The following UBE2L3 variants were observed in gnomAD, a reference collection of about 807,000 sequenced individuals.
UBE2L3 encodes the protein ubiquitin conjugating enzyme E2 L3, also known as ubiquitin-conjugating enzyme E2 L3.
Under a neutral mutation model 17.8 loss-of-function variants are expected in UBE2L3, and 1 was observed. The observed-to-expected ratio is 0.06, with a 90% CI of 0.02 to 0.27. The LOEUF is 0.27. Among genes scored for constraint, UBE2L3 ranks in the 10% least tolerant of loss-of-function variants. The probability of loss-of-function intolerance (pLI) is 1.00; values close to 1 mark genes in which losing one functional copy is unlikely to be tolerated. For missense variants in UBE2L3, 40 were observed against 192.6 expected, an observed-to-expected ratio of 0.21 and a Z score of 4.69; for synonymous variants, 44 against 68.5, an observed-to-expected ratio of 0.64 and a Z score of 1.76.
upstream of UBE2L3, chr22:21,567,673 A>T: frequency 6.4e-7 from 1 of 1,551,678 alleles, no homozygotes; most frequent in African/African-American, 1.4e-5. Context: ...CCCCCGCTCC[A>T]GGAAGTGCGG....
intron 1 of UBE2L3, among the ~76,000 whole-genome samples, chr22:21,585,942 T>C (rs1169806830): frequency 6.6e-6 from 1 of 152,078 alleles, no homozygotes; most frequent in Non-Finnish European, 1.5e-5. Context: ...CTTTTCTAGT[T>C]TTTCTTTTTT....
At chr22:21,607,776 G>A (rs961003814) in intron 2 of UBE2L3, among the ~76,000 whole-genome samples, 1 of 152,188 alleles carries the variant, frequency 6.6e-6, no homozygotes, top group Non-Finnish European at 1.5e-5. Context: ...CTAGGGGCAA[G>A]GGGCTAGGGC....
intron 2 of UBE2L3, among the ~76,000 whole-genome samples, chr22:21,603,527 C>CT (rs1928975966): frequency 1.4e-5 from 1 of 70,294 alleles, no homozygotes; most frequent in East Asian, 6.8e-4. Context: ...GAGACTCTGT[C>CT]TTAAAAAAAA....
chr22:21,578,634 A>G (rs1188228246), intron 1 of UBE2L3, among the ~76,000 whole-genome samples: 1 of 152,152 alleles, frequency 6.6e-6, no homozygotes, highest in Non-Finnish European at 1.5e-5. Context: ...AACACCTTCC[A>G]GGAATGAGGC....
chr22:21,576,672 G>A (rs1252015104), intron 1 of UBE2L3, among the ~76,000 whole-genome samples: 1 of 151,970 alleles, frequency 6.6e-6, no homozygotes, highest in Non-Finnish European at 1.5e-5. Context: ...CTGACCTTGT[G>A]ATCCGCCCAC....
At chr22:21,615,454 C>A (rs5754368) in intron 3 of UBE2L3, among the ~76,000 whole-genome samples, 1 of 150,982 alleles carries the variant, frequency 6.6e-6, no homozygotes, top group African/African-American at 2.4e-5. Flanking sequence ...ACTCGGGAGG[C>A]TGAGGCAGGA....
chr22:21,556,651 AG>A (rs1926240005), intron 1 of UBE2L3, among the ~76,000 whole-genome samples: 3 of 128,390 alleles, frequency 2.3e-5, no homozygotes, highest in African/African-American at 9.5e-5. Flanking sequence ...TTGTAGAGAT[AG>A]GGTCTTACCA....
At chr22:21,609,042 C>T (rs1360127246) in intron 2 of UBE2L3, among the ~76,000 whole-genome samples, 6 of 151,996 alleles carry the variant, frequency 3.9e-5, no homozygotes, top group African/African-American at 1.4e-4. Flanking sequence ...CTACAGGCGC[C>T]CACCACCACG....
intron 3 of UBE2L3, among the ~76,000 whole-genome samples, chr22:21,612,643 C>CCTTTTTTTTTT (rs1929552177): frequency 1.9e-5 from 1 of 52,476 alleles, no homozygotes; most frequent in Non-Finnish European, 3.7e-5. Flanking sequence ...CTTTTCTTTT[C>CCTTTTTTTTTT]TTTTTTTTTT....
intron 3 of UBE2L3, among the ~76,000 whole-genome samples, chr22:21,619,117 C>CAA (rs750837198): frequency 6.6e-6 from 1 of 152,136 alleles, no homozygotes; most frequent in Non-Finnish European, 1.5e-5. Flanking sequence ...GACTGTGGCT[C>CAA]AATTTCCAGC....
chr22:21,594,384 G>T (rs1168646907), intron 2 of UBE2L3, among the ~76,000 whole-genome samples: 1 of 150,106 alleles, frequency 6.7e-6, no homozygotes. Context: ...TCCTGATGCT[G>T]GTTATAAGGT....
At chr22:21,613,049 A>C (rs1001847257) in intron 3 of UBE2L3, among the ~76,000 whole-genome samples, 6 of 152,142 alleles carry the variant, frequency 3.9e-5, no homozygotes, top group Non-Finnish European at 5.9e-5. Flanking sequence ...CTGTTAACCC[A>C]TCGTGCCTGG....
At chr22:21,589,658 G>C (rs1485595745) in intron 1 of UBE2L3, among the ~76,000 whole-genome samples, 1 of 152,174 alleles carries the variant, frequency 6.6e-6, no homozygotes, top group African/African-American at 2.4e-5. Context: ...CTGGATGCCA[G>C]CAACACCCTG....
chr22:21,607,941 G>A (rs1302790999), intron 2 of UBE2L3, among the ~76,000 whole-genome samples: 5 of 152,188 alleles, frequency 3.3e-5, no homozygotes, highest in African/African-American at 7.2e-5. Context: ...TACTCACAGT[G>A]TATTCTGGTT....
chr22:21,608,792 A>C (rs903758205), intron 2 of UBE2L3, among the ~76,000 whole-genome samples: 2 of 143,042 alleles, frequency 1.4e-5, no homozygotes, highest in Non-Finnish European at 3.0e-5. Flanking sequence ...ATGTTTCACA[A>C]ACTGGTCTTG....
chr22:21,566,079 T>C (rs375020735), upstream of UBE2L3, among the ~76,000 whole-genome samples: 7 of 151,592 alleles, frequency 4.6e-5, no homozygotes. Context: ...TTCAAGCGAT[T>C]CTCCTGCCTC....
chr22:21,579,558 C>T (rs1927513468), intron 1 of UBE2L3, among the ~76,000 whole-genome samples: 1 of 152,038 alleles, frequency 6.6e-6, no homozygotes, highest in Non-Finnish European at 1.5e-5. Flanking sequence ...ATCACTTGAG[C>T]CTAGGAATTT....
intron 1 of UBE2L3, among the ~76,000 whole-genome samples, chr22:21,552,044 C>G (rs1299146912): frequency 7.4e-6 from 1 of 135,062 alleles, no homozygotes; most frequent in African/African-American, 3.0e-5. Flanking sequence ...CACACACTGC[C>G]TCTCTGACTG....
At chr22:21,578,224 G>A (rs1288855972) in intron 1 of UBE2L3, among the ~76,000 whole-genome samples, 1 of 151,990 alleles carries the variant, frequency 6.6e-6, no homozygotes, top group East Asian at 1.9e-4. Context: ...GCCGGGCGTG[G>A]TGGTGGGCGC....
Sources: gnomAD v4.1 joint callset for allele counts (sites outside exome capture counted in the v4.1 genomes callset) on GRCh38, gnomAD v4.1.1 for gene constraint, MANE v1.5 for transcripts, NCBI Gene and HGNC (gene_info 2026-07-23, HGNC 2026-07-21) for gene names.